The following TTC27 variants were observed in gnomAD, a reference collection of about 807,000 sequenced individuals.
The protein encoded by TTC27 is tetratricopeptide repeat domain 27, also known as tetratricopeptide repeat protein 27.
TTC27 carries 79 observed loss-of-function variants against 115.9 expected under a neutral mutation model. The ratio of observed to expected loss-of-function variants is 0.68; its 90% confidence interval spans 0.57 to 0.82. The LOEUF is 0.82. Among genes scored for constraint, TTC27 ranks in the 40% least tolerant of loss-of-function variants. The pLI is 0.00. For missense variants in TTC27, 1,054 were observed against 993.1 expected (o/e 1.06, Z -0.82); for synonymous variants, 401 against 356.0 (o/e 1.13, Z -1.42).
intron 9 of TTC27, among the ~76,000 whole-genome samples, chr2:32,697,191 CA>C (rs369409902): frequency 1.5e-4 from 21 of 140,750 alleles, no homozygotes; most frequent in African/African-American, 2.2e-4. Context: ...GACCCTGTCT[CA>C]AAAAAAAAAA....
At chr2:32,638,365 T>C (rs1664504878) in intron 3 of TTC27, among the ~76,000 whole-genome samples, 1 of 152,128 alleles carries the variant, frequency 6.6e-6, no homozygotes, top group Admixed American at 6.6e-5. Context: ...TATTTCCTTC[T>C]TTCTCTTTTA....
intron 5 of TTC27, among the ~76,000 whole-genome samples, chr2:32,656,455 G>A (rs1013675340): frequency 6.6e-6 from 1 of 152,128 alleles, no homozygotes; most frequent in African/African-American, 2.4e-5. Flanking sequence ...ACAGAGACTT[G>A]GAACATCTTT....
At chr2:32,781,820 C>T (rs1670187393) in intron 14 of TTC27, among the ~76,000 whole-genome samples, 2 of 152,214 alleles carry the variant, frequency 1.3e-5, no homozygotes, top group Non-Finnish European at 1.5e-5. Context: ...TAAGAACTCT[C>T]CAGTTTTGCT....
At position 32,723,694 on chromosome 2, in the gene TTC27, T is replaced by TCCTTCCTCCCTC. The variant is rs1426698541; in HGVS notation, c.1234-10131_1234-10130insTCCTCCCTCCCT. ...CTAATTATTGTTAGACTCAGCTCCT[T>TCCTTCCTCCCTC]CCTCCCTCCCTCCCTCCCTCCCTCC... On this transcript the variant is annotated intron_variant, in intron 10 of 19. Coordinates refer to ENST00000317907, the MANE Select transcript of TTC27 (RefSeq NM_017735.5). Among the ~76,000 whole-genome samples, 44 of 57,932 alleles carry TCCTTCCTCCCTC rather than the reference T, an allele frequency of 7.6e-4. 13 individuals carry two copies. The highest frequency in any genetic ancestry group is 3.6e-3 in the African/African-American group (40 of 11,192). The allele number at this position is 57,932 out of a possible 152,430, so 38.0% of individuals were successfully genotyped here.
In TTC27 at chr2:32,630,575, C is replaced by T. The variant is rs542890293; in HGVS notation, c.141C>T (p.Phe47=). ...TGGAAGGGAACTATGAAGCCATATT[C>T]TTAAATTCAATGACTCAAAATATTT... ...LLLEGNYEAI[F]LNSMTQNIFN... The change falls in exon 2 of 20, where the codon TTC becomes TTT. Residue 47 remains phenylalanine (F), a synonymous_variant. Coordinates refer to ENST00000317907, the MANE Select transcript of TTC27 (RefSeq NM_017735.5). 8 of 1,613,026 alleles carry T rather than the reference C, an allele frequency of 5.0e-6. No individual in the cohort carries two copies. In the East Asian group the frequency reaches 1.3e-4, roughly 27 times the overall value.
At chr2:32,729,219 A>G (rs932701922) in intron 10 of TTC27, among the ~76,000 whole-genome samples, 7 of 152,222 alleles carry the variant, frequency 4.6e-5, no homozygotes, top group African/African-American at 1.7e-4. Context: ...AACGTGTGCC[A>G]TACTTTTAGA....
intron 3 of TTC27, chr2:32,635,343 G>GA (rs1351741421): frequency 6.5e-6 from 1 of 153,974 alleles, no homozygotes; most frequent in Admixed American, 6.6e-5. Context: ...ATTGTATCCA[G>GA]AACTCGTGCA....
At chr2:32,797,046 C>T (rs1160393473) in intron 16 of TTC27, among the ~76,000 whole-genome samples, 2 of 151,456 alleles carry the variant, frequency 1.3e-5, no homozygotes, top group African/African-American at 2.4e-5. Flanking sequence ...TGGTGGTGCA[C>T]GCCTGTAGTC....
intron 16 of TTC27, among the ~76,000 whole-genome samples, chr2:32,803,112 T>C (rs1671010892): frequency 6.6e-6 from 1 of 152,206 alleles, no homozygotes; most frequent in South Asian, 2.1e-4. Flanking sequence ...TTGGATACAC[T>C]TTGCCACTGC....
At position 32,812,564 on chromosome 2, in the gene TTC27, G is replaced by T. The variant is rs969593950; in HGVS notation, c.2257G>T (p.Asp753Tyr). 3.1e-6 allele frequency: 5 copies of T among 1,614,104 alleles called. No individual in the cohort carries two copies. Among genetic ancestry groups the T allele is most frequent in the Non-Finnish European group, 4.2e-6 (5 of 1,179,978 alleles). Residue 753 changes from aspartate (D) to tyrosine (Y), a missense_variant, in exon 18 of 20, where the codon GAT (aspartate) becomes TAT (tyrosine). Coordinates refer to ENST00000317907, the MANE Select transcript of TTC27 (RefSeq NM_017735.5). Reference protein sequence around the residue: ...CDTQSNCWEKDITSFKEVVQR... With the variant: ...CDTQSNCWEKYITSFKEVVQR... ...CACCCAGTCCAATTGTTGGGAGAAA[G>T]ATATTACATCATTTAAGGAAGTTGT...
chr2:32,738,301 G>A (rs1425512179), intron 12 of TTC27, among the ~76,000 whole-genome samples: 2 of 152,124 alleles, frequency 1.3e-5, no homozygotes, highest in Non-Finnish European at 2.9e-5. Context: ...CCCTCATCTG[G>A]AAGCACTTAA....
chr2:32,737,382 G>A (rs1668482963), intron 12 of TTC27, among the ~76,000 whole-genome samples: 1 of 152,068 alleles, frequency 6.6e-6, no homozygotes, highest in Admixed American at 6.5e-5. Flanking sequence ...AAGGGGCTCT[G>A]CATTGTTAGT....
intron 10 of TTC27, among the ~76,000 whole-genome samples, chr2:32,703,903 A>G (rs1667275303): frequency 6.6e-6 from 1 of 152,228 alleles, no homozygotes; most frequent in African/African-American, 2.4e-5. Flanking sequence ...AAAGGCTGGA[A>G]AGTCTAAGAT....
intron 4 of TTC27, among the ~76,000 whole-genome samples, chr2:32,642,889 A>G (rs968679154): frequency 2.6e-5 from 4 of 152,032 alleles, no homozygotes; most frequent in Admixed American, 6.6e-5. Context: ...GCTGGTCTTG[A>G]ACTTGTGGGC....
intron 10 of TTC27, among the ~76,000 whole-genome samples, chr2:32,714,696 A>G (rs1009775738): frequency 6.6e-6 from 1 of 152,164 alleles, no homozygotes; most frequent in African/African-American, 2.4e-5. Flanking sequence ...GAACTAATTT[A>G]CATTCCCATC....
chr2:32,811,589 G>A (rs965226423), intron 17 of TTC27, among the ~76,000 whole-genome samples: 2 of 152,134 alleles, frequency 1.3e-5, no homozygotes, highest in African/African-American at 4.8e-5. Context: ...GAGAGAAGGA[G>A]TATTTAGATC....
At chr2:32,816,510 A>G (rs938597525) in intron 18 of TTC27, among the ~76,000 whole-genome samples, 1 of 152,178 alleles carries the variant, frequency 6.6e-6, no homozygotes, top group East Asian at 1.9e-4. Context: ...TGTTTGTACA[A>G]AGCTCTTCAC....
chr2:32,736,901 T>G, intron 12 of TTC27, 85 bp downstream of exon 12: 1 of 1,488,960 alleles, frequency 6.7e-7, no homozygotes. Context: ...CAAACCCACT[T>G]TTGCCAATAT....
intron 12 of TTC27, among the ~76,000 whole-genome samples, chr2:32,757,887 A>C (rs900412516): frequency 1.6e-4 from 24 of 152,266 alleles, no homozygotes; most frequent in Non-Finnish European, 3.2e-4. Context: ...TTTTTAGTAG[A>C]GACAGGGTTT....
Sources: gnomAD v4.1 joint callset for allele counts (sites outside exome capture counted in the v4.1 genomes callset) on GRCh38, gnomAD v4.1.1 for gene constraint, MANE v1.5 for transcripts, NCBI Gene and HGNC (gene_info 2026-07-23, HGNC 2026-07-21) for gene names.